Variants in CTNND2 observed in about 807,000 individuals in gnomAD.
CTNND2 encodes the protein catenin delta 2.
A neutral mutation model predicts 144.4 loss-of-function variants in CTNND2; 22 were observed. The ratio of observed to expected loss-of-function variants is 0.15; its 90% confidence interval spans 0.11 to 0.22. CTNND2 has a LOEUF of 0.22. CTNND2 is among the 10% of genes least tolerant of loss of function. CTNND2 has a pLI of 1.00. For synonymous variants in CTNND2, 751 were observed against 695.6 expected, an observed-to-expected ratio of 1.08 and a Z score of -1.25; for missense variants, 1,353 against 1,618.8, an observed-to-expected ratio of 0.84 and a Z score of 2.82.
chr5:11,791,253 G>A (rs1791119797), intron 1 of CTNND2, among the ~76,000 whole-genome samples: 1 of 152,148 alleles, frequency 6.6e-6, no homozygotes. Context: ...CACATAGTTG[G>A]TCATACTTTG....
At chr5:11,646,308 T>C (rs1328741673) in intron 2 of CTNND2, among the ~76,000 whole-genome samples, 1 of 152,252 alleles carries the variant, frequency 6.6e-6, no homozygotes, top group Non-Finnish European at 1.5e-5. Context: ...ACTGGTGGTA[T>C]TCATTTTATA....
intron 3 of CTNND2, among the ~76,000 whole-genome samples, chr5:11,482,179 A>C (rs1332115024): frequency 6.6e-6 from 1 of 152,132 alleles, no homozygotes; most frequent in African/African-American, 2.4e-5. Flanking sequence ...GGTGTTTTGC[A>C]GTTTCCCAGG....
chr5:11,183,593 T>A (rs1297300983), intron 11 of CTNND2, among the ~76,000 whole-genome samples: 1 of 151,508 alleles, frequency 6.6e-6, no homozygotes. Context: ...GTTTTGCTCC[T>A]GTTGCCCAGG....
At chr5:11,404,602 CTTTTTTTTTTTTTTTTTTTT>C (rs555388304) in intron 5 of CTNND2, among the ~76,000 whole-genome samples, 5 of 57,386 alleles carry the variant, frequency 8.7e-5, no homozygotes, top group South Asian at 2.2e-3. Context: ...TATCTGTATT[CTTTTTTTTTTTTTTTTTTTT>C]TTTTTTTTTT....
chr5:11,448,635 T>C (rs1358403405), intron 3 of CTNND2, among the ~76,000 whole-genome samples: 1 of 152,198 alleles, frequency 6.6e-6, no homozygotes, highest in African/African-American at 2.4e-5. Flanking sequence ...TATTAAGGTA[T>C]TGAAAATGTT....
chr5:11,142,666 TGC>T (rs1756854991), intron 12 of CTNND2, among the ~76,000 whole-genome samples: 2 of 148,250 alleles, frequency 1.3e-5, no homozygotes, highest in African/African-American at 5.0e-5. Flanking sequence ...CAGGCTGGAG[TGC>T]AGTGGCGCGA....
chr5:11,038,564 G>GT (rs939917971), intron 16 of CTNND2, among the ~76,000 whole-genome samples: 1 of 152,176 alleles, frequency 6.6e-6, no homozygotes, highest in African/African-American at 2.4e-5. Context: ...TCTACAGGCA[G>GT]TATGGCCAGG....
chr5:11,661,996 C>G (rs1415145655), intron 2 of CTNND2, among the ~76,000 whole-genome samples: 1 of 151,200 alleles, frequency 6.6e-6, no homozygotes, highest in African/African-American at 2.4e-5. Flanking sequence ...TACACACACA[C>G]ACAAACACAC....
rs1042775621 is a variant in CTNND2, at chr5:10,971,952, T to A, written c.*1501A>T. 1 of 152,676 alleles carries A rather than the reference T, an allele frequency of 6.5e-6. No individual in the cohort carries two copies. Among genetic ancestry groups the A allele is most frequent in the Non-Finnish European group, 1.5e-5 (1 of 68,044 alleles). The allele number at this position is 152,676 out of a possible 1,614,324, so 9.5% of individuals were successfully genotyped here. A position where few individuals can be genotyped will look rare whatever the true frequency, so the allele number is the denominator to read the frequency against. On this transcript the variant is annotated 3_prime_UTR_variant, in exon 22 of 22. Transcript: ENST00000304623. Reference sequence around the variant, plus strand: ...AAGCTAGTTTACCCGCGGCCCATGTTCTTTTCGATGGTTAGCCTTATTTCT... The same window carrying A: ...AAGCTAGTTTACCCGCGGCCCATGTACTTTTCGATGGTTAGCCTTATTTCT...
At chr5:11,033,972 G>C (rs953398506) in intron 16 of CTNND2, among the ~76,000 whole-genome samples, 1 of 152,144 alleles carries the variant, frequency 6.6e-6, no homozygotes, top group Non-Finnish European at 1.5e-5. Context: ...GTTGATACCA[G>C]GTTAGCAAAG....
chr5:11,293,793 C>T (rs377412852), intron 9 of CTNND2, among the ~76,000 whole-genome samples: 12 of 142,934 alleles, frequency 8.4e-5, no homozygotes, highest in Middle Eastern at 7.2e-3. Context: ...AAGAAATGTG[C>T]CCACATTTCT....
At chr5:11,481,696 C>T (rs1393211389) in intron 3 of CTNND2, among the ~76,000 whole-genome samples, 2 of 151,658 alleles carry the variant, frequency 1.3e-5, no homozygotes, top group Non-Finnish European at 2.9e-5. Flanking sequence ...AGAGAGAGAA[C>T]CTAAAAGGAA....
chr5:11,037,672 C>T (rs1336879400), intron 16 of CTNND2, among the ~76,000 whole-genome samples: 1 of 152,222 alleles, frequency 6.6e-6, no homozygotes, highest in Non-Finnish European at 1.5e-5. Context: ...TAGAAGCCTT[C>T]TGTCTATTTC....
At chr5:11,127,739 C>A (rs952120831) in intron 12 of CTNND2, among the ~76,000 whole-genome samples, 1 of 152,324 alleles carries the variant, frequency 6.6e-6, no homozygotes, top group East Asian at 1.9e-4. Context: ...CACAGGTTCA[C>A]AGACGGAGAG....
At chr5:11,770,432 G>GAAGGAAGGAAGGAAGA (rs1789858687) in intron 1 of CTNND2, among the ~76,000 whole-genome samples, 3 of 141,824 alleles carry the variant, frequency 2.1e-5, no homozygotes, top group African/African-American at 8.8e-5. Context: ...AGGAAGGAAG[G>GAAGGAAGGAAGGAAGA]AAGGAAGGAA....
chr5:11,728,609 A>G (rs1787154381), intron 2 of CTNND2, among the ~76,000 whole-genome samples: 2 of 152,224 alleles, frequency 1.3e-5, no homozygotes, highest in South Asian at 4.1e-4. Context: ...AAATAATGGT[A>G]CTCAAAAAAT....
At chr5:11,487,958 C>A (rs1234615992) in intron 3 of CTNND2, among the ~76,000 whole-genome samples, 1 of 152,116 alleles carries the variant, frequency 6.6e-6, no homozygotes, top group Non-Finnish European at 1.5e-5. Flanking sequence ...CAGCAGTGAT[C>A]TAACCTGCAG....
At position 11,827,230 on chromosome 5, in the gene CTNND2, G is replaced by A. The variant is rs73064654; in HGVS notation, c.37+76587C>T. Among the ~76,000 whole-genome samples the A allele has an allele frequency of 4.5e-3, 692 of 152,222 alleles. 7 individuals carry two copies. Among genetic ancestry groups the A allele is most frequent in the African/African-American group, 0.015 (636 of 41,538 alleles). ...AAACTCAGGTGTAAATAATTCATGG[G>A]ATGTCAAAGAAGAAAGTCAAAGCGA... On this transcript the variant is annotated intron_variant, in intron 1 of 21. Transcript: ENST00000304623.
chr5:11,548,481 T>A (rs537044294), intron 3 of CTNND2, among the ~76,000 whole-genome samples: 11 of 152,368 alleles, frequency 7.2e-5, no homozygotes, highest in African/African-American at 2.6e-4. Context: ...AAAATTATAT[T>A]TGTATAGCAA....
Sources: allele counts gnomAD v4.1 joint callset (sites outside exome capture counted in the v4.1 genomes callset), GRCh38; gene constraint gnomAD v4.1.1; transcripts MANE v1.5; gene names NCBI Gene and HGNC (gene_info 2026-07-23, HGNC 2026-07-21).